Variants in SLC9A7 observed in about 807,000 individuals in gnomAD.
The protein encoded by SLC9A7 is solute carrier family 9 member A7.
In SLC9A7, 19 loss-of-function variants were observed where a neutral mutation model predicts 52.6. The observed-to-expected ratio is 0.36, with a 90% CI of 0.25 to 0.53. The LOEUF (loss-of-function observed/expected upper bound fraction) is 0.53, where lower values mean the gene tolerates loss of function less well. Among genes scored for constraint, SLC9A7 ranks in the 20% least tolerant of loss-of-function variants. SLC9A7 has a pLI of 0.91. For missense variants in SLC9A7, 455 were observed against 597.9 expected (o/e 0.76, Z 2.49); for synonymous variants, 226 against 252.1 (o/e 0.90, Z 0.98).
At chrX:46,641,510 ACTGTGTAGAG>A (rs2146752407) in intron 12 of SLC9A7, among the ~76,000 whole-genome samples, 1 of 112,169 alleles carries the variant, frequency 8.9e-6, no homozygotes, top group South Asian at 3.8e-4. Context: ...AAGATTCTCA[ACTGTGTAGAG>A]GGTAAACCTT....
chrX:46,738,959 A>C (rs1484824763), intron 1 of SLC9A7, among the ~76,000 whole-genome samples: 1 of 111,420 alleles, frequency 9.0e-6, no homozygotes, highest in Non-Finnish European at 1.9e-5. Context: ...GTGCCTACAA[A>C]GATTAATGTG....
intron 1 of SLC9A7, among the ~76,000 whole-genome samples, chrX:46,687,501 TTGACAA>T (rs942113404): frequency 6.2e-5 from 7 of 112,358 alleles, no homozygotes; most frequent in African/African-American, 1.6e-4. Context: ...ATTCCAGCAG[TTGACAA>T]TGACTTTTCA....
rs191478161 is a variant in SLC9A7 at position 46,730,905 on chromosome X, C to T, written c.325+27800G>A. ...CATCATAAAAATGATTCTCCCACTT[C>T]GACTCATAAATCCAATGCTATCCAA... On this transcript the variant is annotated intron_variant, in intron 1 of 16. Transcript: ENST00000616978. Among the ~76,000 whole-genome samples the T allele has an allele frequency of 7.1e-3, 751 of 105,586 alleles. 4 individuals are homozygous for T. The highest frequency in any genetic ancestry group is 0.024 in the African/African-American group (718 of 29,386). The allele number at this position is 105,586 out of a possible 115,157, so 91.7% of individuals were successfully genotyped here.
chrX:46,745,163 C>T (rs954899867), intron 1 of SLC9A7, among the ~76,000 whole-genome samples: 2 of 111,768 alleles, frequency 1.8e-5, no homozygotes, highest in African/African-American at 6.5e-5. Context: ...TTTGCTTGCC[C>T]TTGTCCCACC....
chrX:46,698,132 CGGTCCTGT>C (rs1470021111), intron 1 of SLC9A7, among the ~76,000 whole-genome samples: 1 of 112,035 alleles, frequency 8.9e-6, no homozygotes, highest in African/African-American at 3.2e-5. Flanking sequence ...AATTTCGTCC[CGGTCCTGT>C]GGTCCTGTGA....
intron 1 of SLC9A7, among the ~76,000 whole-genome samples, chrX:46,750,668 T>C (rs1922168342): frequency 8.9e-6 from 1 of 112,560 alleles, no homozygotes; most frequent in Non-Finnish European, 1.9e-5. Context: ...ATACATTTGA[T>C]GTGAAGGTTA....
Position 46,665,745 on chromosome X carries a change from G to A in SLC9A7, c.794-3102C>T, listed in dbSNP as rs754172144. 3.6e-5 allele frequency among the ~76,000 whole-genome samples: 4 copies of A among 110,782 alleles called. No individual in the cohort carries two copies. The Admixed American group carries it at 3.9e-4, about 11-fold the overall frequency. Reference sequence around the variant, plus strand: ...TTGAGTCAATCAGCCTGACTCACAGGTTTCTATTTTTCTTTTCTTTTTAGA... The same window carrying A: ...TTGAGTCAATCAGCCTGACTCACAGATTTCTATTTTTCTTTTCTTTTTAGA... On this transcript the variant is annotated intron_variant, in intron 5 of 16. Transcript: ENST00000616978.
At chrX:46,658,003 A>G (rs1180775144) in intron 7 of SLC9A7, among the ~76,000 whole-genome samples, 1 of 111,341 alleles carries the variant, frequency 9.0e-6, no homozygotes, top group African/African-American at 3.3e-5. Flanking sequence ...GTAAAATAAC[A>G]GAAATTATAA....
At chrX:46,664,123 C>T (rs1288424137) in intron 5 of SLC9A7, among the ~76,000 whole-genome samples, 1 of 111,386 alleles carries the variant, frequency 9.0e-6, no homozygotes, top group African/African-American at 3.3e-5. Context: ...GCTGTGTTCT[C>T]TCTCAACACT....
chrX:46,709,601 TAAC>T (rs1221487521), intron 1 of SLC9A7, among the ~76,000 whole-genome samples: 1 of 110,396 alleles, frequency 9.1e-6, no homozygotes, highest in Non-Finnish European at 1.9e-5. Flanking sequence ...TTACCTAAAA[TAAC>T]AACAACAACA....
At chrX:46,727,230 C>T (rs1220625757) in intron 1 of SLC9A7, among the ~76,000 whole-genome samples, 1 of 112,329 alleles carries the variant, frequency 8.9e-6, no homozygotes, top group Admixed American at 9.4e-5. Context: ...CTCAGCCACA[C>T]AGCCTGCTTC....
intron 14 of SLC9A7, among the ~76,000 whole-genome samples, chrX:46,625,617 C>T (rs1569503141): frequency 2.9e-5 from 3 of 104,724 alleles, no homozygotes. Context: ...GGCTGAGGCA[C>T]AAGAATTGCT....
intron 15 of SLC9A7, among the ~76,000 whole-genome samples, chrX:46,615,510 C>T (rs1004755500): frequency 1.8e-5 from 2 of 110,380 alleles, no homozygotes; most frequent in Non-Finnish European, 3.8e-5. Flanking sequence ...TGTAGAATGA[C>T]AAATACGCAG....
chrX:46,735,890 C>T (rs1290717163), intron 1 of SLC9A7, among the ~76,000 whole-genome samples: 1 of 111,012 alleles, frequency 9.0e-6, no homozygotes, highest in African/African-American at 3.3e-5. Flanking sequence ...TCCTCTACTC[C>T]TCCCCCTGCC....
chrX:46,615,676 AT>A (rs1195063842), intron 15 of SLC9A7, among the ~76,000 whole-genome samples: 1 of 109,608 alleles, frequency 9.1e-6, no homozygotes, highest in Non-Finnish European at 1.9e-5. Flanking sequence ...ATATATATAT[AT>A]AACCAGTAAG....
intron 1 of SLC9A7, among the ~76,000 whole-genome samples, chrX:46,687,620 G>A (rs775462866): frequency 5.4e-5 from 6 of 111,695 alleles, no homozygotes; most frequent in African/African-American, 1.9e-4. Context: ...TGTGTTATTC[G>A]TTGATATATT....
chrX:46,731,575 C>T (rs989804680), intron 1 of SLC9A7, among the ~76,000 whole-genome samples: 1 of 108,685 alleles, frequency 9.2e-6, no homozygotes, highest in African/African-American at 3.3e-5. Context: ...GCAGTCCAGC[C>T]TGGATGACAG....
chrX:46,660,333 C>G (rs1036974994), intron 7 of SLC9A7, among the ~76,000 whole-genome samples: 2 of 111,804 alleles, frequency 1.8e-5, no homozygotes, highest in Non-Finnish European at 3.8e-5. Flanking sequence ...GTCTAAAACA[C>G]CAAAAGCAAT....
At chrX:46,612,948 AAAAAAAAAAAAAAAAAAGAG>A (rs1338248514) in intron 16 of SLC9A7, among the ~76,000 whole-genome samples, 3 of 82,520 alleles carry the variant, frequency 3.6e-5, no homozygotes, top group African/African-American at 1.2e-4. Flanking sequence ...AAAAAAAAAA[AAAAAAAAAAAAAAAAAAGAG>A]AGAGAGAAAG....
Sources: gnomAD v4.1 joint callset for allele counts (sites outside exome capture counted in the v4.1 genomes callset) on GRCh38, gnomAD v4.1.1 for gene constraint, MANE v1.5 for transcripts, NCBI Gene and HGNC (gene_info 2026-07-23, HGNC 2026-07-21) for gene names.